Variants in TBC1D10A observed in about 807,000 individuals in gnomAD.
TBC1D10A encodes TBC1 domain family member 10A.
Under a neutral mutation model 52.9 loss-of-function variants are expected in TBC1D10A, and 24 were observed. The observed-to-expected ratio is 0.45, with a 90% CI of 0.33 to 0.64. TBC1D10A has a LOEUF of 0.64. Among genes scored for constraint, TBC1D10A ranks in the 30% least tolerant of loss-of-function variants. TBC1D10A has a pLI of 0.02. For missense variants in TBC1D10A, 602 were observed against 687.9 expected (o/e 0.88, Z 1.40); for synonymous variants, 278 against 282.9 (o/e 0.98, Z 0.17).
rs769417892 is a variant in TBC1D10A at position 30,299,704 on chromosome 22, C to T, written c.310-153G>A. ...GACTTTCGCCGGGCAAGGTGGCTCA[C>T]GCCTGTAATCCCAGCACTTTGGGAG... On this transcript the variant is annotated intron_variant, in intron 2 of 8. Coordinates refer to ENST00000215790, the MANE Select transcript of TBC1D10A (RefSeq NM_031937.3). 1.4e-4 allele frequency: 85 copies of T among 622,346 alleles called. 1 individual carries two copies. In the East Asian group the frequency reaches 1.8e-3, roughly 13 times the overall value. 38.6% of individuals were successfully genotyped at this position (622,346 alleles called of 1,614,324 possible). A position where few individuals can be genotyped will look rare whatever the true frequency, so the allele number is the denominator to read the frequency against.
At position 30,297,522 on chromosome 22, in the gene TBC1D10A, AG is replaced by A. The variant is rs982824485; in HGVS notation, c.418-1680del. The A allele has an allele frequency of 6.6e-6, 1 of 152,394 alleles. No homozygotes were observed. The highest frequency in any genetic ancestry group is 2.1e-4 in the South Asian group (1 of 4,828). The allele number at this position is 152,394 out of a possible 1,614,324, so 9.4% of individuals were successfully genotyped here. A position where few individuals can be genotyped will look rare whatever the true frequency, so the allele number is the denominator to read the frequency against. On this transcript the variant is annotated intron_variant, in intron 3 of 8. Coordinates refer to ENST00000215790, the MANE Select transcript of TBC1D10A (RefSeq NM_031937.3). The surrounding 1 kb of genome is among the most constrained non-coding windows in gnomAD (Gnocchi z 4.3). ...GAAAAGAGGGTAGCTGCAGATCGAA[AG>A]GGCACCGGCAGACAAGCAGGTACCA...
intron 1 of TBC1D10A, among the ~76,000 whole-genome samples, chr22:30,317,833 T>A (rs1292694200): frequency 6.6e-6 from 1 of 152,212 alleles, no homozygotes; most frequent in Non-Finnish European, 1.5e-5. Flanking sequence ...TTGTTTAATG[T>A]CTGATTTCCC....
intron 1 of TBC1D10A, among the ~76,000 whole-genome samples, chr22:30,310,793 C>G (rs1039253095): frequency 1.3e-5 from 2 of 152,216 alleles, no homozygotes; most frequent in Non-Finnish European, 2.9e-5. Flanking sequence ...GAAGTAGAGG[C>G]TGCCACCTGA....
chr22:30,322,024 G>C (rs61681321), intron 1 of TBC1D10A, among the ~76,000 whole-genome samples: 1 of 144,424 alleles, frequency 6.9e-6, no homozygotes. Context: ...GTCTCACCCA[G>C]ACTGGAGTAC....
chr22:30,299,396 C>A, intron 3 of TBC1D10A, 48 bp downstream of exon 3: 2 of 1,580,348 alleles, frequency 1.3e-6, no homozygotes, highest in Non-Finnish European at 1.7e-6. Context: ...ATGGGGAGGA[C>A]GCCAAGAGAT....
At chr22:30,325,008 T>G (rs1466475602) in intron 1 of TBC1D10A, among the ~76,000 whole-genome samples, 1 of 152,192 alleles carries the variant, frequency 6.6e-6, no homozygotes, top group African/African-American at 2.4e-5. Flanking sequence ...AACTGGGAAC[T>G]CCTTTCCTAG....
intron 1 of TBC1D10A, among the ~76,000 whole-genome samples, chr22:30,313,244 C>A (rs1037523620): frequency 6.6e-6 from 1 of 152,082 alleles, no homozygotes; most frequent in Non-Finnish European, 1.5e-5. Flanking sequence ...GCAGAGGCAG[C>A]ATTTCATGAG....
chr22:30,292,658 T>C lies in TBC1D10A; in HGVS notation c.1244A>G (p.Asp415Gly). Residue 415 changes from aspartate to glycine, a missense_variant, in exon 9 of 9, where the codon GAT becomes GGT. By Grantham distance (94) the Asp-to-Gly change is moderately conservative (BLOSUM62 -1). Coordinates refer to ENST00000215790, the MANE Select transcript of TBC1D10A (RefSeq NM_031937.3). ...GGCTTTGGAGCCAGGGAGGGGGGCATCTAGGGGCAGGCGGATGGATGGTGA... is the reference window on the plus strand; with the variant it reads ...GGCTTTGGAGCCAGGGAGGGGGGCACCTAGGGGCAGGCGGATGGATGGTGA... ...QPSPSIRLPLDAPLPGSKAKP... is the reference protein window; with the variant it reads ...QPSPSIRLPLGAPLPGSKAKP... 6.2e-7 allele frequency: 1 copy of C among 1,610,724 alleles called. No homozygotes were observed. The highest frequency in any genetic ancestry group is 8.5e-7 in the Non-Finnish European group (1 of 1,178,352).
chr22:30,292,509 G>C lies in TBC1D10A; in HGVS notation c.1393C>G (p.Pro465Ala). Residue 465 changes from proline (P) to alanine (A), a missense_variant, in exon 9 of 9, where the codon CCC (proline) becomes GCC (alanine). Pro to Ala is a conservative substitution (Grantham distance 27, BLOSUM62 -1). Coordinates refer to ENST00000215790, the MANE Select transcript of TBC1D10A (RefSeq NM_031937.3). ...TCCTTCGGGGGCACATGCTGTGGGG[G>C]ACATGCATCTCCTGCAGCGGCCACC... ...MVVAAAGDACPPQHVPPKDSA... is the reference protein window; with the variant it reads ...MVVAAAGDACAPQHVPPKDSA... The C allele has an allele frequency of 6.2e-7, 1 of 1,610,666 alleles. No individual in the cohort carries two copies. Among genetic ancestry groups the C allele is most frequent in the East Asian group, 2.2e-5 (1 of 44,858 alleles).
rs1183036776 is a variant in TBC1D10A at position 30,292,535 on chromosome 22, A to T, written c.1367T>A (p.Val456Glu). The change falls in exon 9 of 9, where the codon GTG (valine) becomes GAG (glutamate). Residue 456 changes from valine to glutamate, a missense_variant. Physicochemically the swap from Val to Glu is moderately radical, Grantham distance 121 (BLOSUM62 -2). Coordinates refer to ENST00000215790, the MANE Select transcript of TBC1D10A (RefSeq NM_031937.3). Reference protein sequence around the residue: ...EKPPAPNQAMVVAAAGDACPP... With the variant: ...EKPPAPNQAMEVAAAGDACPP... ...ACATGCATCTCCTGCAGCGGCCACCACCATGGCTTGATTTGGGGCTGGGGG... is the reference window on the plus strand; with the variant it reads ...ACATGCATCTCCTGCAGCGGCCACCTCCATGGCTTGATTTGGGGCTGGGGG... 8.1e-6 allele frequency: 13 copies of T among 1,613,124 alleles called. No individual in the cohort carries two copies. Among genetic ancestry groups the T allele is most frequent in the Non-Finnish European group, 1.1e-5 (13 of 1,179,760 alleles).
chr22:30,326,468 G>C (rs1930776289), intron 1 of TBC1D10A, among the ~76,000 whole-genome samples: 1 of 146,444 alleles, frequency 6.8e-6, no homozygotes, highest in Non-Finnish European at 1.5e-5. Flanking sequence ...GTGTGGGCCC[G>C]TCCGCCCCCT....
chr22:30,305,560 G>C (rs1930293994), intron 1 of TBC1D10A: 1 of 152,408 alleles, frequency 6.6e-6, no homozygotes, highest in South Asian at 2.1e-4. Context: ...CCAGCACACA[G>C]TGCTGCCTGA....
At chr22:30,322,341 G>A (rs1930672123) in intron 1 of TBC1D10A, among the ~76,000 whole-genome samples, 1 of 152,126 alleles carries the variant, frequency 6.6e-6, no homozygotes, top group Non-Finnish European at 1.5e-5. Context: ...AATGCTGTCG[G>A]CACTCTGATC....
intron 3 of TBC1D10A, chr22:30,299,164 G>A (rs1384819921): frequency 2.9e-6 from 1 of 347,988 alleles, no homozygotes; most frequent in African/African-American, 2.1e-5. Context: ...AACCTGAGTG[G>A]TCATCAAGAG....
At chr22:30,312,583 A>C (rs530754394) in intron 1 of TBC1D10A, among the ~76,000 whole-genome samples, 1 of 152,114 alleles carries the variant, frequency 6.6e-6, no homozygotes, top group African/African-American at 2.4e-5. Context: ...ACAACAACAA[A>C]AACAACACAA....
intron 1 of TBC1D10A, among the ~76,000 whole-genome samples, chr22:30,315,263 CT>C (rs1418969994): frequency 6.6e-6 from 1 of 152,184 alleles, no homozygotes; most frequent in African/African-American, 2.4e-5. Context: ...TGCTAAATGT[CT>C]GAGGTAAAAT....
intron 1 of TBC1D10A, among the ~76,000 whole-genome samples, chr22:30,306,605 A>T (rs1359198714): frequency 1.3e-5 from 2 of 152,246 alleles, no homozygotes; most frequent in African/African-American, 2.4e-5. Flanking sequence ...ATTTGGCAAG[A>T]TCTTCTCAGA....
In TBC1D10A at chr22:30,293,631, G is replaced by C; in HGVS notation, c.1050+20C>G. 2 of 1,589,442 alleles carry C rather than the reference G, an allele frequency of 1.3e-6. No individual in the cohort carries two copies. The highest frequency in any genetic ancestry group is 8.6e-7 in the Non-Finnish European group (1 of 1,163,824). On this transcript the variant is annotated intron_variant, in intron 8 of 8. Coordinates refer to ENST00000215790, the MANE Select transcript of TBC1D10A (RefSeq NM_031937.3). Reference sequence around the variant, plus strand: ...CTGTCTTCCTCCCTCCCCATGATAAGGGGCAGGCATGGGCTGTACCTCCTG... The same window carrying C: ...CTGTCTTCCTCCCTCCCCATGATAACGGGCAGGCATGGGCTGTACCTCCTG...
In TBC1D10A at chr22:30,299,520, G is replaced by C. The variant is rs372055803; in HGVS notation, c.341C>G (p.Pro114Arg). ...CTGCCAAGCACGGCCCCGCAGAGAA[G>C]GCGGGATGCCCTTTTGGCACCGCAG... is the stretch of plus-strand genomic sequence containing the variant. ...IRLRCQKGIP[P>R]SLRGRAWQYL... Residue 114 changes from proline to arginine, a missense_variant, in exon 3 of 9, where the codon CCT becomes CGT. Transcript: ENST00000215790. The C allele has an allele frequency of 1.2e-6, 2 of 1,614,070 alleles. No individual in the cohort carries two copies. The highest frequency in any genetic ancestry group is 1.7e-6 in the Non-Finnish European group (2 of 1,180,018).
Sources: allele counts gnomAD v4.1 joint callset (sites outside exome capture counted in the v4.1 genomes callset), GRCh38; gene constraint gnomAD v4.1.1; non-coding constraint Gnocchi (gnomAD v3.1); transcripts MANE v1.5; gene names NCBI Gene and HGNC (gene_info 2026-07-23, HGNC 2026-07-21).